NUP210: variants seen among roughly 807,000 people sequenced by gnomAD.
NUP210 encodes nuclear pore membrane glycoprotein 210.
Under a neutral mutation model 196.0 loss-of-function variants are expected in NUP210, and 151 were observed. The ratio of observed to expected loss-of-function variants is 0.77; its 90% CI spans 0.67 to 0.88. The LOEUF (loss-of-function observed/expected upper bound fraction) is 0.88. NUP210 is among the 40% of genes least tolerant of loss of function. The pLI is 0.00. For synonymous variants in NUP210, 1,070 were observed against 1,052.7 expected (o/e 1.02, Z -0.32); for missense variants, 2,314 against 2,493.7 (o/e 0.93, Z 1.53).
At chr3:13,331,207 G>A (rs1018093566) in intron 29 of NUP210, among the ~76,000 whole-genome samples, 8 of 152,210 alleles carry the variant, frequency 5.3e-5, no homozygotes, top group Middle Eastern at 3.4e-3. Flanking sequence ...CAGACTACCC[G>A]CTAAGAAAAC....
At position 13,342,265 on chromosome 3, in the gene NUP210, T is replaced by C. The variant is rs969573220; in HGVS notation, c.2965-142A>G. 1.4e-5 allele frequency: 14 copies of C among 1,023,746 alleles called. No homozygotes were observed. In the Admixed American group the frequency reaches 1.5e-4, roughly 11 times the overall value. 63.4% of individuals were successfully genotyped at this position (1,023,746 alleles called of 1,614,324 possible). A position where few individuals can be genotyped will look rare whatever the true frequency, so the allele number is the denominator to read the frequency against. On this transcript the variant is annotated intron_variant, in intron 21 of 39. Transcript: ENST00000254508. ...CAGGAGAGTCACCCAGGTTGACTTC[T>C]GGACTATCAGCCAGTCAGCAAATGA...
At position 13,347,683 on chromosome 3, in the gene NUP210, C is replaced by T. The variant is rs1356736930; in HGVS notation, c.2835+4196G>A. Among the ~76,000 whole-genome samples the T allele has an allele frequency of 6.6e-6, 1 of 152,212 alleles. No individual in the cohort carries two copies. Among genetic ancestry groups the T allele is most frequent in the African/African-American group, 2.4e-5 (1 of 41,446 alleles). ...GAAAGAAACCCTTTCTCTGAGCTAA[C>T]TGGGGAGCGCTGGGGGCTTGTCTAT... On this transcript the variant is annotated intron_variant, in intron 20 of 39. Coordinates refer to ENST00000254508, the MANE Select transcript of NUP210 (RefSeq NM_024923.4). The surrounding 1 kb of genome is among the most constrained non-coding windows in gnomAD (Gnocchi z 4.7).
In NUP210 at chr3:13,350,728, C is replaced by T. The variant is rs1226275521; in HGVS notation, c.2835+1151G>A. On this transcript the variant is annotated intron_variant, in intron 20 of 39. Coordinates refer to ENST00000254508, the MANE Select transcript of NUP210 (RefSeq NM_024923.4). This position sits in a 1 kb window ranked among gnomAD's most constrained non-coding sequence, Gnocchi z 4.1. ...TTTTTTTTTGAGATGGAGTCTCGCCCCGTCGCCCAGGCTGGAGTGCAGTGG... is the reference window on the plus strand; with the variant it reads ...TTTTTTTTTGAGATGGAGTCTCGCCTCGTCGCCCAGGCTGGAGTGCAGTGG... 6.7e-6 allele frequency among the ~76,000 whole-genome samples: 1 copy of T among 150,264 alleles called. No homozygotes were observed. Among genetic ancestry groups the T allele is most frequent in the Non-Finnish European group, 1.5e-5 (1 of 67,532 alleles).
At chr3:13,373,951 C>T (rs903020400) in intron 11 of NUP210, 78 bp from the exon 12 acceptor site, 12 of 1,512,300 alleles carry the variant, frequency 7.9e-6, no homozygotes, top group African/African-American at 1.4e-5. Context: ...GAGACACGTG[C>T]GTGTGCATGC....
In NUP210 at chr3:13,340,119, C is replaced by CAGGCAGTGCCCAGA. The variant is rs1486023120; in HGVS notation, c.3292-87_3292-86insTCTGGGCACTGCCT. On this transcript the variant is annotated intron_variant, in intron 24 of 39. Transcript: ENST00000254508. This position sits in a 1 kb window ranked among gnomAD's most constrained non-coding sequence, Gnocchi z 4.0. Reference sequence around the variant, plus strand: ...CACTCAGAGAGCCAGGGCCCCAGTGCAGGCAGCTTCTGCCTTCTTCTCCCA... The same window carrying CAGGCAGTGCCCAGA: ...CACTCAGAGAGCCAGGGCCCCAGTGCAGGCAGTGCCCAGAAGGCAGCTTCTGCCTTCTTCTCCCA... The CAGGCAGTGCCCAGA allele has an allele frequency of 8.1e-6, 13 of 1,600,628 alleles. No homozygotes were observed. In the African/African-American group the frequency reaches 1.6e-4, roughly 20 times the overall value.
At chr3:13,366,184 A>G (rs757305534) in intron 13 of NUP210, 93 bp from the exon 14 acceptor site, 19 of 1,296,756 alleles carry the variant, frequency 1.5e-5, no homozygotes, top group Admixed American at 2.2e-5. Flanking sequence ...GCTGGAGTAC[A>G]GTGGCATGAT....
chr3:13,331,810 G>T (rs1328491519), intron 29 of NUP210, among the ~76,000 whole-genome samples: 1 of 152,166 alleles, frequency 6.6e-6, no homozygotes, highest in Non-Finnish European at 1.5e-5. Context: ...TAGGAATTAG[G>T]TTTGCAGAAG....
chr3:13,338,862 C>A (rs1208464324), intron 25 of NUP210, among the ~76,000 whole-genome samples: 1 of 152,192 alleles, frequency 6.6e-6, no homozygotes, highest in East Asian at 1.9e-4. Context: ...GGGTGCCCAG[C>A]AAGGTTAGAC....
chr3:13,320,721 C>T (rs1156659464), intron 36 of NUP210, among the ~76,000 whole-genome samples: 1 of 147,780 alleles, frequency 6.8e-6, no homozygotes, highest in African/African-American at 2.5e-5. Flanking sequence ...CATGGTGAAA[C>T]CCCGTCTCTA....
chr3:13,318,081 G>A lies in NUP210; in HGVS notation c.5564-300C>T, dbSNP rs113411136. Among the ~76,000 whole-genome samples, 265 of 152,336 alleles carry A rather than the reference G, an allele frequency of 1.7e-3. 2 individuals carry two copies. Among genetic ancestry groups the A allele is most frequent in the African/African-American group, 5.9e-3 (245 of 41,580 alleles). ...AGGGGGCATGAGGCAGGGAGGCCCCGTGCATCTGAATGCAATGCAGCCTCG... is the reference window on the plus strand; with the variant it reads ...AGGGGGCATGAGGCAGGGAGGCCCCATGCATCTGAATGCAATGCAGCCTCG... On this transcript the variant is annotated intron_variant, in intron 39 of 39. Coordinates refer to ENST00000254508, the MANE Select transcript of NUP210 (RefSeq NM_024923.4).
chr3:13,328,802 G>A lies in NUP210; in HGVS notation c.4255C>T (p.His1419Tyr), dbSNP rs2124840052. ...GTGGCAAAGTTGAGGACCGAACTGTGAGCATGGAAGACATCTCCAGAGTTG... is the reference window on the plus strand; with the variant it reads ...GTGGCAAAGTTGAGGACCGAACTGTAAGCATGGAAGACATCTCCAGAGTTG... ...HDNSGDVFHA[H>Y]SSVLNFATNR... The change falls in exon 31 of 40, where the codon CAC becomes TAC. Residue 1419 changes from histidine (H) to tyrosine (Y), a missense_variant. Physicochemically the swap from His to Tyr is moderately conservative, Grantham distance 83. Coordinates refer to ENST00000254508, the MANE Select transcript of NUP210 (RefSeq NM_024923.4). 6.2e-7 allele frequency: 1 copy of A among 1,614,150 alleles called. No individual in the cohort carries two copies. Among genetic ancestry groups the A allele is most frequent in the Non-Finnish European group, 8.5e-7 (1 of 1,179,992 alleles).
At chr3:13,408,852 A>T (rs1183730077) in intron 1 of NUP210, among the ~76,000 whole-genome samples, 1 of 152,086 alleles carries the variant, frequency 6.6e-6, no homozygotes. Flanking sequence ...CAAGTGGAAC[A>T]GAAGGCATCT....
intron 20 of NUP210, chr3:13,346,960 T>C (rs1048112727): frequency 3.1e-6 from 3 of 965,508 alleles, no homozygotes; most frequent in Non-Finnish European, 3.7e-6. Flanking sequence ...CCCTGTGACC[T>C]TCCCAAGGGC....
chr3:13,392,180 A>G (rs1218395781), intron 3 of NUP210, among the ~76,000 whole-genome samples: 3 of 152,184 alleles, frequency 2.0e-5, no homozygotes, highest in Non-Finnish European at 4.4e-5. Context: ...AGGGCAAGGT[A>G]TTTAGAGTCT....
At chr3:13,335,719 T>A (rs1191489747) in intron 27 of NUP210, 107 bp from the exon 28 acceptor site, 4 of 1,274,694 alleles carry the variant, frequency 3.1e-6, no homozygotes, top group Non-Finnish European at 4.4e-6. Flanking sequence ...CCAGTCCTGG[T>A]AGCTGCTGGC....
rs145275394 is a variant in NUP210 at position 13,319,858 on chromosome 3, G to C, written c.5288C>G (p.Ser1763Cys). The change falls in exon 37 of 40, where the codon TCC (serine) becomes TGC (cysteine). Residue 1763 changes from serine (S) to cysteine (C), a missense_variant. Transcript: ENST00000254508. ...DPAAGSQGPL[S>C]TTLTFSSPVT... is the part of the protein sequence containing the mutation. ...GGGGCTGGAGAAGGTCAGGGTAGTG[G>C]ACAGAGGCCCTTGGCTGCCAGCCGC... The C allele has an allele frequency of 6.2e-7, 1 of 1,614,108 alleles. No individual in the cohort carries two copies. The highest frequency in any genetic ancestry group is 1.3e-5 in the African/African-American group (1 of 74,940).
rs1243362806 is a variant in NUP210, at chr3:13,343,252, G to A, written c.2887C>T (p.Leu963Phe). Residue 963 changes from leucine (L) to phenylalanine (F), a missense_variant, in exon 21 of 40, where the codon CTC (leucine) becomes TTC (phenylalanine). Physicochemically the swap from Leu to Phe is conservative, Grantham distance 22. Transcript: ENST00000254508. ...GCCTTGGCTGGGGCCGGGAAGACGA[G>A]GCACAAGTCATGGATCATGATGGTG... ...SSTIMIHDLCLVFPAPAKAVV... is the reference protein window; with the variant it reads ...SSTIMIHDLCFVFPAPAKAVV... 2.5e-6 allele frequency: 4 copies of A among 1,610,192 alleles called. No individual in the cohort carries two copies. The East Asian group carries it at 6.7e-5, about 27-fold the overall frequency.
intron 25 of NUP210, among the ~76,000 whole-genome samples, chr3:13,339,598 T>C (rs1327261829): frequency 6.6e-6 from 1 of 152,000 alleles, no homozygotes; most frequent in African/African-American, 2.4e-5. Context: ...GGGCCGGGAG[T>C]TGCTGAACAC....
chr3:13,338,174 C>T (rs537931703), intron 25 of NUP210, among the ~76,000 whole-genome samples: 17 of 152,328 alleles, frequency 1.1e-4, no homozygotes, highest in African/African-American at 4.1e-4. Flanking sequence ...CTGTCTGATC[C>T]AGCTGTTCCA....
Sources: gnomAD v4.1 joint callset for allele counts (sites outside exome capture counted in the v4.1 genomes callset) on GRCh38, gnomAD v4.1.1 for gene constraint, Gnocchi (gnomAD v3.1) non-coding constraint, MANE v1.5 for transcripts, NCBI Gene and HGNC (gene_info 2026-07-23, HGNC 2026-07-21) for gene names.